DNAH8: variants seen among roughly 807,000 people sequenced by gnomAD.
DNAH8 encodes axonemal beta dynein heavy chain 8.
Under a neutral mutation model 562.1 loss-of-function variants are expected in DNAH8, and 382 were observed. That is an observed-to-expected ratio of 0.68 (90% CI 0.63 to 0.74). The LOEUF (loss-of-function observed/expected upper bound fraction) is 0.74, where lower values mean the gene tolerates loss of function less well. DNAH8 is among the 30% of genes least tolerant of loss of function. The probability of loss-of-function intolerance (pLI) is 0.00; values close to 1 mark genes in which losing one functional copy is unlikely to be tolerated. For synonymous variants in DNAH8, 1,881 were observed against 1,919.4 expected, an observed-to-expected ratio of 0.98 and a Z score of 0.52; for missense variants, 5,203 against 5,620.4, an observed-to-expected ratio of 0.93 and a Z score of 2.37.
chr6:38,982,092 G>A (rs140477962), intron 85 of DNAH8, among the ~76,000 whole-genome samples: 1 of 152,292 alleles, frequency 6.6e-6, no homozygotes. Context: ...GCCTAGGTGC[G>A]TATAGGCTGT....
At chr6:38,993,719 C>T (rs1406860525) in intron 88 of DNAH8, among the ~76,000 whole-genome samples, 1 of 152,080 alleles carries the variant, frequency 6.6e-6, no homozygotes, top group Non-Finnish European at 1.5e-5. Flanking sequence ...ACAATGTATC[C>T]TGTAAATCAC....
chr6:38,821,942 C>A (rs1772890319), intron 26 of DNAH8, among the ~76,000 whole-genome samples: 1 of 152,166 alleles, frequency 6.6e-6, no homozygotes, highest in South Asian at 2.1e-4. Context: ...GTCCACATGT[C>A]TCCTGTCAGC....
chr6:38,802,685 A>G (rs1198193599), intron 21 of DNAH8, among the ~76,000 whole-genome samples: 2 of 152,072 alleles, frequency 1.3e-5, no homozygotes, highest in Non-Finnish European at 2.9e-5. Context: ...AATATTACTC[A>G]CCCCATTACT....
intron 11 of DNAH8, among the ~76,000 whole-genome samples, chr6:38,767,758 T>C (rs2127617842): frequency 6.6e-6 from 1 of 152,314 alleles, no homozygotes; most frequent in South Asian, 2.1e-4. Flanking sequence ...GCTATGAACA[T>C]TTGGTGTGTA....
intron 82 of DNAH8, among the ~76,000 whole-genome samples, chr6:38,957,824 C>A (rs1762342419): frequency 9.6e-6 from 1 of 104,452 alleles, no homozygotes; most frequent in African/African-American, 3.9e-5. Flanking sequence ...TGGAATACAA[C>A]AAAAGCACCT....
chr6:38,991,548 C>G (rs980653794), intron 88 of DNAH8, among the ~76,000 whole-genome samples: 1 of 152,190 alleles, frequency 6.6e-6, no homozygotes, highest in Non-Finnish European at 1.5e-5. Flanking sequence ...TCAGAATCCT[C>G]CCAAGGTTCC....
intron 10 of DNAH8, among the ~76,000 whole-genome samples, chr6:38,760,355 T>C (rs1766367603): frequency 6.6e-6 from 1 of 152,226 alleles, no homozygotes; most frequent in Non-Finnish European, 1.5e-5. Context: ...GAGGAGAAGC[T>C]TGGTGCTAAT....
In DNAH8 at chr6:38,722,821, T is replaced by A. The variant is rs918093929; in HGVS notation, c.12T>A (p.Asp4Glu). 8 of 1,591,304 alleles carry A rather than the reference T, an allele frequency of 5.0e-6. No individual in the cohort carries two copies. The highest frequency in any genetic ancestry group is 6.0e-6 in the Non-Finnish European group (7 of 1,170,016). The stretch of plus-strand genomic sequence containing the variant: ...CCGCACGACGGGGGATGGAGAAGGA[T>A]GCTGAAGATGGCGCCCCTTCTGAGG... MEKDAEDGAPSEGA... is the reference protein window; with the variant it reads MEKEAEDGAPSEGA... Residue 4 changes from aspartate (D) to glutamate (E), a missense_variant, in exon 2 of 93, where the codon GAT becomes GAA. Asp to Glu is a conservative substitution (Grantham distance 45, BLOSUM62 2). Transcript: ENST00000327475.
chr6:38,750,125 C>G (rs1319834752), intron 8 of DNAH8, among the ~76,000 whole-genome samples: 1 of 152,260 alleles, frequency 6.6e-6, no homozygotes, highest in Admixed American at 6.5e-5. Flanking sequence ...AGCCACCACG[C>G]CCTGCCATAA....
intron 3 of DNAH8, among the ~76,000 whole-genome samples, chr6:38,725,094 G>A (rs1209571943): frequency 1.3e-5 from 2 of 151,962 alleles, no homozygotes; most frequent in African/African-American, 4.8e-5. Flanking sequence ...CCTGAGATCA[G>A]AAGTTCAAGA....
At position 38,919,433 on chromosome 6, in the gene DNAH8, A is replaced by G. The variant is rs539731208; in HGVS notation, c.10524+1293A>G. 2.6e-5 allele frequency among the ~76,000 whole-genome samples: 4 copies of G among 152,226 alleles called. No homozygotes were observed. The South Asian group carries it at 8.3e-4, about 32-fold the overall frequency. ...AGATTCTTAATATTTTTTTTTAACA[A>G]GGGGCCCCACATTTTTCATTTTGCA... is the stretch of plus-strand genomic sequence containing the variant. On this transcript the variant is annotated intron_variant, in intron 70 of 92. Transcript: ENST00000327475.
chr6:38,776,252 C>T (rs1582973907), intron 13 of DNAH8, among the ~76,000 whole-genome samples: 1 of 148,796 alleles, frequency 6.7e-6, no homozygotes, highest in African/African-American at 2.5e-5. Context: ...GAGTCTCACT[C>T]CATTGCCCGG....
chr6:38,855,292 G>A (rs1009926142), intron 41 of DNAH8, among the ~76,000 whole-genome samples: 1 of 152,074 alleles, frequency 6.6e-6, no homozygotes, highest in African/African-American at 2.4e-5. Flanking sequence ...TGGGTTGATA[G>A]GTGCAGCAAA....
intron 79 of DNAH8, among the ~76,000 whole-genome samples, chr6:38,943,295 T>C (rs1436388469): frequency 4.6e-5 from 7 of 152,246 alleles, no homozygotes; most frequent in Admixed American, 4.6e-4. Flanking sequence ...TTGAACTGGC[T>C]TACATTTTGA....
chr6:38,909,988 G>C (rs1780763716), intron 65 of DNAH8, among the ~76,000 whole-genome samples: 1 of 152,164 alleles, frequency 6.6e-6, no homozygotes, highest in South Asian at 2.1e-4. Flanking sequence ...AGTAACAGAT[G>C]CTTAATGAAT....
At chr6:38,852,581 C>A in intron 39 of DNAH8, 113 bp from the exon 40 acceptor site, 1 of 714,084 alleles carries the variant, frequency 1.4e-6, no homozygotes, top group Non-Finnish European at 2.3e-6. Context: ...TTTTTTGAGA[C>A]AATAAAGTAA....
Position 38,828,242 on chromosome 6 carries a change from C to T in DNAH8, c.4142C>T (p.Ala1381Val). The change falls in exon 30 of 93, where the codon GCA (alanine) becomes GTA (valine). Residue 1381 changes from alanine (A) to valine (V), a missense_variant. Physicochemically the swap from Ala to Val is moderately conservative, Grantham distance 64. Around this residue, in one of 6 missense-constraint regions of DNAH8, gnomAD observed 2,176 missense variants for 2,365.1 expected, o/e 0.92. Transcript: ENST00000327475. Reference protein sequence around the residue: ...EVEVTKEESEAVDTLRYSFNK... With the variant: ...EVEVTKEESEVVDTLRYSFNK... ...GAAGTAACCAAAGAAGAATCAGAAGCAGTTGATACCTTAAGATATTCTTTC... is the reference window on the plus strand; with the variant it reads ...GAAGTAACCAAAGAAGAATCAGAAGTAGTTGATACCTTAAGATATTCTTTC... The T allele has an allele frequency of 6.3e-7, 1 of 1,593,420 alleles. No individual in the cohort carries two copies. Among genetic ancestry groups the T allele is most frequent in the South Asian group, 1.2e-5 (1 of 85,418 alleles).
intron 25 of DNAH8, 136 bp from the exon 26 acceptor site, chr6:38,815,332 T>C (rs969250751): frequency 1.0e-5 from 6 of 589,904 alleles, no homozygotes; most frequent in Admixed American, 3.1e-5. Context: ...TCTTCCTCTA[T>C]CATTCTCCCC....
intron 65 of DNAH8, among the ~76,000 whole-genome samples, chr6:38,910,632 A>G (rs115103248): frequency 0.01 from 1,578 of 152,268 alleles, 25 homozygotes; most frequent in South Asian, 0.04. Context: ...ACCTTTGTGC[A>G]GCTACAAAAA....
Sources: gnomAD v4.1 joint callset for allele counts (sites outside exome capture counted in the v4.1 genomes callset) on GRCh38, gnomAD v4.1.1 for gene constraint, gnomAD v4.1.1 regional missense constraint, MANE v1.5 for transcripts, NCBI Gene and HGNC (gene_info 2026-07-23, HGNC 2026-07-21) for gene names.